Variants in CCDC183 observed in about 807,000 individuals in gnomAD.
The protein encoded by CCDC183 is coiled-coil domain-containing protein 183.
CCDC183 carries 63 observed loss-of-function variants against 65.2 expected under a neutral mutation model. The observed-to-expected ratio is 0.97, with a 90% CI of 0.79 to 1.19. The LOEUF is 1.19. Among genes scored for constraint, CCDC183 ranks in the 50% most tolerant of loss-of-function variants. The pLI is 0.00. For synonymous variants in CCDC183, 323 were observed against 276.5 expected (o/e 1.17, Z -1.67); for missense variants, 769 against 689.3 (o/e 1.12, Z -1.30).
At chr9:136,799,834 C>CA in intron 3 of CCDC183, 44 bp downstream of exon 3, 1 of 1,557,374 alleles carries the variant, frequency 6.4e-7, no homozygotes, top group Non-Finnish European at 8.8e-7. Flanking sequence ...CTCCCCACCC[C>CA]TGCCAGCACC....
Position 136,807,032 on chromosome 9 carries a change from G to A in CCDC183, c.1452G>A (p.Arg484=), listed in dbSNP as rs758965374. ...SSTLMEKYNT[R]ISFENREEDM... ...CTCTGATGGAGAAGTACAACACCAGGATCAGCTTTGAGAACCGGGAGGAGG... is the reference window on the plus strand; with the variant it reads ...CTCTGATGGAGAAGTACAACACCAGAATCAGCTTTGAGAACCGGGAGGAGG... Residue 484 remains arginine, a synonymous_variant, in exon 13 of 14, where the codon AGG becomes AGA. Coordinates refer to ENST00000338005, the MANE Select transcript of CCDC183 (RefSeq NM_001039374.5). 5 of 1,613,434 alleles carry A rather than the reference G, an allele frequency of 3.1e-6. No homozygotes were observed. The highest frequency in any genetic ancestry group is 4.2e-6 in the Non-Finnish European group (5 of 1,180,040).
At chr9:136,802,495 C>G (rs1261179990) in intron 5 of CCDC183, among the ~76,000 whole-genome samples, 169 bp from the exon 6 acceptor site, 1 of 152,218 alleles carries the variant, frequency 6.6e-6, no homozygotes. Context: ...CTGTCCACTC[C>G]CTGTGAAACA....
rs780846142 is a variant in CCDC183 at position 136,807,042 on chromosome 9, G to C, written c.1462G>C (p.Glu488Gln). The C allele has an allele frequency of 2.4e-5, 39 of 1,613,272 alleles. No homozygotes were observed. Among genetic ancestry groups the C allele is most frequent in the Non-Finnish European group, 3.2e-5 (38 of 1,180,026 alleles). ...MEKYNTRISF[E>Q]NREEDMIDTF... is the part of the protein sequence containing the mutation. ...GAAGTACAACACCAGGATCAGCTTT[G>C]AGAACCGGGAGGAGGATATGATCGG... Residue 488 changes from glutamate to glutamine, a missense_variant, in exon 13 of 14, where the codon GAG (glutamate) becomes CAG (glutamine). Transcript: ENST00000338005.
At chr9:136,800,518 C>T (rs765419483) in intron 5 of CCDC183, 25 bp downstream of exon 5, 1 of 926,936 alleles carries the variant, frequency 1.1e-6, no homozygotes, top group African/African-American at 1.7e-5. Flanking sequence ...CCGGGAAGGG[C>T]GGGGGTCAGG....
intron 1 of CCDC183, among the ~76,000 whole-genome samples, chr9:136,797,275 G>T (rs1383855179): frequency 6.6e-6 from 1 of 152,086 alleles, no homozygotes; most frequent in Non-Finnish European, 1.5e-5. Flanking sequence ...TTTCCCTGCT[G>T]ACGTTCTCAC....
Position 136,806,798 on chromosome 9 carries a change from G to A in CCDC183, c.1320G>A (p.Lys440=). 2 of 1,613,674 alleles carry A rather than the reference G, an allele frequency of 1.2e-6. No individual in the cohort carries two copies. Among genetic ancestry groups the A allele is most frequent in the Non-Finnish European group, 1.7e-6 (2 of 1,180,034 alleles). The change falls in exon 12 of 14, where the codon AAG becomes AAA. Residue 440 remains lysine, a synonymous_variant. Coordinates refer to ENST00000338005, the MANE Select transcript of CCDC183 (RefSeq NM_001039374.5). ...VLSNTLDLNS[K]LAYCEGKLTY... is the part of the protein sequence containing the mutation. Reference sequence around the variant, plus strand: ...CCAACACCCTCGATTTGAACAGCAAGCTGGCGTACTGCGAGGGGAAGCTCA... The same window carrying A: ...CCAACACCCTCGATTTGAACAGCAAACTGGCGTACTGCGAGGGGAAGCTCA...
Position 136,802,700 on chromosome 9 carries a change from C to G in CCDC183, c.580C>G (p.Gln194Glu), listed in dbSNP as rs769698261. Residue 194 changes from glutamine (Q) to glutamate (E), a missense_variant, in exon 6 of 14, where the codon CAG becomes GAG. Gln to Glu is a conservative substitution (Grantham distance 29). Coordinates refer to ENST00000338005, the MANE Select transcript of CCDC183 (RefSeq NM_001039374.5). ...ATACCCCATTGAGCTGGACAAGCTG[C>G]AGAACCTCGTGGTCAACTACTGCTC... ...AGYPIELDKL[Q>E]NLVVNYCSEL... 6.2e-7 allele frequency: 1 copy of G among 1,613,468 alleles called. No individual in the cohort carries two copies.
In CCDC183 at chr9:136,806,654, T is replaced by C. The variant is rs2131141287; in HGVS notation, c.1260T>C (p.Ile420=). 6.2e-7 allele frequency: 1 copy of C among 1,613,622 alleles called. No homozygotes were observed. Among genetic ancestry groups the C allele is most frequent in the Non-Finnish European group, 8.5e-7 (1 of 1,180,016 alleles). ...IDNLYVRLMG[I]NLPATQREVV... ...ACCTCTATGTCCGGCTGATGGGCAT[T>C]AACTTGCCTGCGACCCAGGTACCGG... Residue 420 remains isoleucine (I), a synonymous_variant, in exon 11 of 14, where the codon ATT becomes ATC. Coordinates refer to ENST00000338005, the MANE Select transcript of CCDC183 (RefSeq NM_001039374.5).
intron 6 of CCDC183, among the ~76,000 whole-genome samples, chr9:136,803,557 G>A (rs936398346): frequency 6.6e-6 from 1 of 152,208 alleles, no homozygotes; most frequent in Non-Finnish European, 1.5e-5. Context: ...GACCGGGACA[G>A]GCAGACCCTG....
At chr9:136,799,348 G>A in intron 2 of CCDC183, 125 bp downstream of exon 2, 10 of 1,390,896 alleles carry the variant, frequency 7.2e-6, no homozygotes, top group Non-Finnish European at 9.5e-6. Flanking sequence ...GGGGGCATGT[G>A]AGGAGGGGCT....
chr9:136,797,635 T>G (rs1287684912), intron 1 of CCDC183, among the ~76,000 whole-genome samples: 1 of 152,148 alleles, frequency 6.6e-6, no homozygotes, highest in African/African-American at 2.4e-5. Flanking sequence ...AGATGCGGTT[T>G]CACCGTGTTA....
chr9:136,801,790 G>A (rs1331215663), intron 5 of CCDC183, among the ~76,000 whole-genome samples: 1 of 150,840 alleles, frequency 6.6e-6, no homozygotes, highest in Non-Finnish European at 1.5e-5. Context: ...TTTTGTTTTT[G>A]TTTGTTTTGT....
chr9:136,802,557 C>T, intron 5 of CCDC183, 107 bp from the exon 6 acceptor site: 1 of 1,459,664 alleles, frequency 6.9e-7, no homozygotes. Flanking sequence ...GCTGGGGCCA[C>T]AGAGGAGAAC....
chr9:136,806,907 C>T, intron 12 of CCDC183, 40 bp downstream of exon 12: 2 of 1,613,352 alleles, frequency 1.2e-6, no homozygotes, highest in Non-Finnish European at 1.7e-6. Context: ...GCCCACGTCC[C>T]CTCAAAGCTG....
At chr9:136,805,547 C>A (rs1404623307) in intron 9 of CCDC183, 90 bp downstream of exon 9, 4 of 1,229,962 alleles carry the variant, frequency 3.3e-6, no homozygotes, top group East Asian at 4.8e-5. Flanking sequence ...CGGAGCATGG[C>A]AGGAGGGTGG....
chr9:136,804,723 A>G lies in CCDC183; in HGVS notation c.793-39A>G, dbSNP rs1847811839. ...ACCACTCAGGGCCCACTCCCTGCCA[A>G]GGATGTCTCATCCCTTCCCCGCCCC... On this transcript the variant is annotated intron_variant, in intron 7 of 13. Transcript: ENST00000338005. This position sits in a 1 kb window ranked among gnomAD's most constrained non-coding sequence, Gnocchi z 4.1. The G allele has an allele frequency of 6.2e-7, 1 of 1,613,236 alleles. No homozygotes were observed. Among genetic ancestry groups the G allele is most frequent in the Non-Finnish European group, 8.5e-7 (1 of 1,179,638 alleles).
intron 2 of CCDC183, 91 bp from the exon 3 acceptor site, chr9:136,799,622 A>G: frequency 9.2e-7 from 1 of 1,085,476 alleles, no homozygotes; most frequent in Non-Finnish European, 1.4e-6. Context: ...CTAGCGTGGG[A>G]TACAAGAGGC....
intron 5 of CCDC183, among the ~76,000 whole-genome samples, chr9:136,801,612 A>G (rs1847738066): frequency 1.3e-5 from 2 of 150,624 alleles, no homozygotes; most frequent in South Asian, 2.2e-4. Context: ...AGGCTGAGGC[A>G]CGAGAATCAC....
At chr9:136,806,260 G>T (rs751457894) in intron 10 of CCDC183, 22 bp downstream of exon 10, 2 of 1,578,286 alleles carry the variant, frequency 1.3e-6, no homozygotes, top group Non-Finnish European at 1.7e-6. Flanking sequence ...TTCCGGGGCT[G>T]CGGGCCACCC....
Sources: gnomAD v4.1 joint callset for allele counts (sites outside exome capture counted in the v4.1 genomes callset) on GRCh38, gnomAD v4.1.1 for gene constraint, Gnocchi (gnomAD v3.1) non-coding constraint, MANE v1.5 for transcripts, NCBI Gene and HGNC (gene_info 2026-07-23, HGNC 2026-07-21) for gene names.